The following WBP2NL variants were observed in gnomAD, a reference collection of about 807,000 sequenced individuals.
WBP2NL encodes postacrosomal sheath WW domain-binding protein.
Under a neutral mutation model 23.3 loss-of-function variants are expected in WBP2NL, and 27 were observed. The ratio of observed to expected loss-of-function variants is 1.16; its 90% CI spans 0.85 to 1.60. The LOEUF is 1.60. WBP2NL is among the 40% of genes most tolerant of loss of function. The probability of loss-of-function intolerance (pLI) is 0.00; values close to 1 mark genes in which losing one functional copy is unlikely to be tolerated. For missense variants in WBP2NL, 370 were observed against 389.5 expected, an observed-to-expected ratio of 0.95 and a Z score of 0.42; for synonymous variants, 151 against 145.9, an observed-to-expected ratio of 1.03 and a Z score of -0.25.
intron 1 of WBP2NL, among the ~76,000 whole-genome samples, chr22:42,010,128 G>A (rs187188169): frequency 1.7e-4 from 26 of 152,208 alleles, no homozygotes; most frequent in Admixed American, 1.7e-3. Context: ...GTATAGAAAT[G>A]CAACTATATT....
chr22:42,011,637 AGGTTGTGTTT>A (rs1407275351), intron 1 of WBP2NL, among the ~76,000 whole-genome samples: 1 of 152,080 alleles, frequency 6.6e-6, no homozygotes, highest in African/African-American at 2.4e-5. Flanking sequence ...TCAGTGTGGT[AGGTTGTGTTT>A]TTCTAGGGAT....
chr22:42,048,399 G>A (rs1320057807), intron 8 of WBP2NL, among the ~76,000 whole-genome samples: 2 of 146,770 alleles, frequency 1.4e-5, no homozygotes, highest in African/African-American at 2.6e-5. Flanking sequence ...AAAAAAAAAA[G>A]AAGAAAAATA....
chr22:42,016,272 G>T (rs1014384193), intron 1 of WBP2NL, among the ~76,000 whole-genome samples: 1 of 152,000 alleles, frequency 6.6e-6, no homozygotes, highest in Non-Finnish European at 1.5e-5. Flanking sequence ...TGAACCACCG[G>T]ACCCGGCCGG....
At chr22:42,051,857 G>A (rs779593134) in intron 8 of WBP2NL, among the ~76,000 whole-genome samples, 5 of 152,092 alleles carry the variant, frequency 3.3e-5, no homozygotes, top group Non-Finnish European at 5.9e-5. Flanking sequence ...CTTAATTCCT[G>A]AGCGATAATC....
intron 1 of WBP2NL, chr22:42,001,855 C>T (rs1921728841): frequency 2.1e-5 from 30 of 1,410,550 alleles, no homozygotes; most frequent in Non-Finnish European, 2.7e-5. Context: ...GCATGCTGCA[C>T]CTGTAGCAGC....
At chr22:42,006,971 C>T (rs1922310757) in intron 1 of WBP2NL, among the ~76,000 whole-genome samples, 1 of 152,148 alleles carries the variant, frequency 6.6e-6, no homozygotes, top group South Asian at 2.1e-4. Context: ...ATAGAAAAAT[C>T]AGAAGAAAAA....
intron 8 of WBP2NL, among the ~76,000 whole-genome samples, chr22:42,041,064 T>A (rs944141094): frequency 6.6e-6 from 1 of 152,248 alleles, no homozygotes; most frequent in Non-Finnish European, 1.5e-5. Flanking sequence ...ATATTTGATT[T>A]ATATATTTAA....
intron 3 of WBP2NL, 72 bp from the exon 4 acceptor site, chr22:42,019,932 G>T: frequency 6.3e-7 from 1 of 1,591,646 alleles, no homozygotes. Context: ...TGCTTCCCTT[G>T]GTGTTTGTGG....
At chr22:42,021,854 TG>T (rs2146792251) in intron 4 of WBP2NL, among the ~76,000 whole-genome samples, 1 of 150,086 alleles carries the variant, frequency 6.7e-6, no homozygotes, top group East Asian at 1.9e-4. Flanking sequence ...TCCAGTGCAG[TG>T]GCACAGATAA....
At chr22:42,024,576 A>G (rs942628432) in intron 5 of WBP2NL, among the ~76,000 whole-genome samples, 5 of 151,812 alleles carry the variant, frequency 3.3e-5, no homozygotes, top group Admixed American at 1.3e-4. Flanking sequence ...TTTAATTTGC[A>G]TTTCCTTAAT....
At chr22:42,038,686 T>A (rs1045269839) in intron 8 of WBP2NL, among the ~76,000 whole-genome samples, 5 of 152,148 alleles carry the variant, frequency 3.3e-5, no homozygotes, top group African/African-American at 1.2e-4. Context: ...CACTGCAAGC[T>A]CCGTCTCCCG....
chr22:42,020,386 C>T (rs1569449792), intron 4 of WBP2NL, among the ~76,000 whole-genome samples: 1 of 152,140 alleles, frequency 6.6e-6, no homozygotes. Flanking sequence ...GACTTCTACT[C>T]AGCCAAGATT....
intron 1 of WBP2NL, among the ~76,000 whole-genome samples, chr22:42,017,763 G>C (rs1228529746): frequency 6.6e-6 from 1 of 152,096 alleles, no homozygotes; most frequent in Non-Finnish European, 1.5e-5. Flanking sequence ...TGTAGTCCTA[G>C]CACATTGGGA....
intron 5 of WBP2NL, among the ~76,000 whole-genome samples, chr22:42,022,854 C>T (rs969893066): frequency 3.3e-5 from 5 of 152,210 alleles, no homozygotes; most frequent in African/African-American, 1.2e-4. Flanking sequence ...TCTCCTAATG[C>T]TGCCAACACA....
intron 8 of WBP2NL, among the ~76,000 whole-genome samples, chr22:42,055,252 C>T (rs1434697793): frequency 6.6e-6 from 1 of 152,204 alleles, no homozygotes; most frequent in Non-Finnish European, 1.5e-5. Flanking sequence ...TCTTGGCTCA[C>T]TACAACCTCC....
chr22:42,039,111 G>A (rs557218533), intron 8 of WBP2NL, among the ~76,000 whole-genome samples: 1 of 150,066 alleles, frequency 6.7e-6, no homozygotes, highest in South Asian at 2.1e-4. Context: ...TCACCCCGTT[G>A]CCCAGGGTGG....
intron 8 of WBP2NL, among the ~76,000 whole-genome samples, chr22:42,043,173 G>T (rs1052890531): frequency 3.1e-4 from 47 of 152,190 alleles, no homozygotes; most frequent in Non-Finnish European, 1.8e-4. Flanking sequence ...TCCACAAAGT[G>T]TGGGGGCATG....
At chr22:42,050,702 A>G (rs1314689733) in intron 8 of WBP2NL, among the ~76,000 whole-genome samples, 1 of 151,782 alleles carries the variant, frequency 6.6e-6, no homozygotes, top group East Asian at 1.9e-4. Context: ...AGACCCAAAC[A>G]GACACCTCAC....
downstream of WBP2NL, among the ~76,000 whole-genome samples, chr22:42,036,149 C>T (rs1210875915): frequency 6.6e-6 from 1 of 152,100 alleles, no homozygotes; most frequent in Non-Finnish European, 1.5e-5. Flanking sequence ...CCTTTACTAT[C>T]CTATAGGATT....
Sources: allele counts gnomAD v4.1 joint callset (sites outside exome capture counted in the v4.1 genomes callset), GRCh38; gene constraint gnomAD v4.1.1; transcripts MANE v1.5; gene names NCBI Gene and HGNC (gene_info 2026-07-23, HGNC 2026-07-21).